ZFYVE26: variants seen among roughly 807,000 people sequenced by gnomAD.
ZFYVE26 encodes zinc finger FYVE domain-containing protein 26.
A neutral mutation model predicts 276.5 loss-of-function variants in ZFYVE26; 181 were observed. That is an observed-to-expected ratio of 0.65 (90% CI 0.58 to 0.74). The LOEUF is 0.74. Ranked by LOEUF, ZFYVE26 falls within the 30% of genes least tolerant of loss-of-function variation. The pLI is 0.00. For synonymous variants in ZFYVE26, 1,129 were observed against 1,203.1 expected (o/e 0.94, Z 1.27); for missense variants, 2,821 against 3,097.9 (o/e 0.91, Z 2.12).
intron 16 of ZFYVE26, among the ~76,000 whole-genome samples, chr14:67,786,763 A>G (rs769807211): frequency 1.3e-5 from 2 of 152,248 alleles, no homozygotes; most frequent in Non-Finnish European, 2.9e-5. Flanking sequence ...CACTCTTCAC[A>G]ATAGCCAAGA....
At chr14:67,793,462 T>C (rs2039872570) in intron 14 of ZFYVE26, 146 bp downstream of exon 14, 2 of 852,270 alleles carry the variant, frequency 2.3e-6, no homozygotes, top group Non-Finnish European at 3.8e-6. Flanking sequence ...AGACTGGGCC[T>C]GGGCACATGG....
chr14:67,736,795 G>A (rs976990274), intron 13 of ZFYVE26, among the ~76,000 whole-genome samples: 11 of 152,172 alleles, frequency 7.2e-5, no homozygotes, highest in Non-Finnish European at 1.3e-4. Flanking sequence ...GTATCTATAG[G>A]GGAGTGAGAG....
Position 67,752,535 on chromosome 14 carries a change from G to GAACAC in ZFYVE26, c.7189-14_7189-10dup. 6.2e-7 allele frequency: 1 copy of GAACAC among 1,614,084 alleles called. No individual in the cohort carries two copies. Among genetic ancestry groups the GAACAC allele is most frequent in the Non-Finnish European group, 8.5e-7 (1 of 1,180,018 alleles). On this transcript the variant is annotated splice_polypyrimidine_tract_variant and intron_variant, in intron 39 of 41. Coordinates refer to ENST00000347230, the MANE Select transcript of ZFYVE26 (RefSeq NM_015346.4). ...GCATCCAGCTGGAAGTCCTAGAACA[G>GAACAC]AACACAACATGATGGGCTTAGGAGC... is the stretch of plus-strand genomic sequence containing the variant.
chr14:67,807,107 A>G (rs1345814314), intron 5 of ZFYVE26, among the ~76,000 whole-genome samples: 1 of 151,908 alleles, frequency 6.6e-6, no homozygotes, highest in African/African-American at 2.4e-5. Flanking sequence ...ACGCCTAGCT[A>G]ATTTCTAAAT....
chr14:67,807,765 C>T lies in ZFYVE26; in HGVS notation c.519G>A (p.Glu173=), dbSNP rs565629585. The change falls in exon 5 of 42, where the codon GAG becomes GAA. Residue 173 remains glutamate (E), a synonymous_variant. Coordinates refer to ENST00000347230, the MANE Select transcript of ZFYVE26 (RefSeq NM_015346.4). ...TACCGTCATCCTCCTCAAGCAGGAG[C>T]TCCAGCAGGGCCTGTGCTGGCTGGG... ...QSPQPAQALL[E]LLLEEDDGTG... is the part of the protein sequence containing the mutation. The T allele has an allele frequency of 1.2e-6, 2 of 1,614,222 alleles. No homozygotes were observed. The highest frequency in any genetic ancestry group is 1.7e-5 in the Admixed American group (1 of 60,032).
chr14:67,805,647 A>C (rs1445220780), intron 6 of ZFYVE26, 29 bp from the exon 7 acceptor site: 1 of 1,610,600 alleles, frequency 6.2e-7, no homozygotes, highest in East Asian at 2.2e-5. Context: ...TGTTATAGGC[A>C]GCTATGTGGA....
intron 10 of ZFYVE26, chr14:67,799,440 A>G (rs7143377): frequency 0.02 from 32,925 of 1,611,756 alleles, 1,195 homozygotes; most frequent in African/African-American, 0.15. Flanking sequence ...ACGAGCAGAA[A>G]GGAGTTGGGG....
intron 4 of ZFYVE26, among the ~76,000 whole-genome samples, chr14:67,808,255 G>C (rs987148465): frequency 6.6e-6 from 1 of 152,244 alleles, no homozygotes; most frequent in African/African-American, 2.4e-5. Flanking sequence ...CTGGTGATGT[G>C]AATCAAGGTC....
intron 10 of ZFYVE26, among the ~76,000 whole-genome samples, chr14:67,800,966 C>T (rs1313226654): frequency 8.9e-6 from 1 of 112,282 alleles, no homozygotes; most frequent in African/African-American, 3.5e-5. Context: ...AATAAAAGTA[C>T]AGCTGGCCAT....
intron 23 of ZFYVE26, among the ~76,000 whole-genome samples, chr14:67,779,415 A>T (rs1331444449): frequency 6.6e-6 from 1 of 152,036 alleles, no homozygotes; most frequent in Non-Finnish European, 1.5e-5. Flanking sequence ...ATACAAAAAA[A>T]TTAGCTGGGC....
intron 25 of ZFYVE26, among the ~76,000 whole-genome samples, chr14:67,777,018 AAAGGT>A (rs2140213941): frequency 6.6e-6 from 1 of 152,354 alleles, no homozygotes; most frequent in East Asian, 1.9e-4. Flanking sequence ...GTTATACATC[AAAGGT>A]AAGAACTTAT....
intron 36 of ZFYVE26, 34 bp from the exon 37 acceptor site, chr14:67,755,284 A>T: frequency 1.2e-6 from 2 of 1,612,180 alleles, no homozygotes; most frequent in South Asian, 2.2e-5. Context: ...AGGTCAAAGT[A>T]GATCAGGGGT....
intron 35 of ZFYVE26, among the ~76,000 whole-genome samples, chr14:67,759,525 G>C (rs1210472485): frequency 6.7e-6 from 1 of 149,854 alleles, no homozygotes; most frequent in Admixed American, 6.8e-5. Flanking sequence ...TCAGGAGTCT[G>C]AGGCAGGAGA....
chr14:67,772,946 G>A (rs957659331), intron 27 of ZFYVE26, among the ~76,000 whole-genome samples: 2 of 151,846 alleles, frequency 1.3e-5, no homozygotes, highest in African/African-American at 4.8e-5. Flanking sequence ...GATGACAGAG[G>A]GAGACTCTCT....
intron 2 of ZFYVE26, among the ~76,000 whole-genome samples, chr14:67,814,790 A>G (rs2040368984): frequency 6.6e-6 from 1 of 152,198 alleles, no homozygotes; most frequent in Non-Finnish European, 1.5e-5. Context: ...CCTTTCTTTG[A>G]AGTTAGGAAT....
At chr14:67,755,912 C>T (rs772027868) in intron 36 of ZFYVE26, 36 bp downstream of exon 36, 27 of 1,613,272 alleles carry the variant, frequency 1.7e-5, no homozygotes, top group Non-Finnish European at 2.0e-5. Flanking sequence ...GGGGCACCAG[C>T]AACAGAGGTA....
At position 67,783,124 on chromosome 14, in the gene ZFYVE26, C is replaced by T. The variant is rs184263440; in HGVS notation, c.4028G>A (p.Arg1343Lys). 43 of 1,609,044 alleles carry T rather than the reference C, an allele frequency of 2.7e-5. No homozygotes were observed. In the East Asian group the frequency reaches 8.9e-4, roughly 33 times the overall value. ...CTGCTCTGCAGCCAGAGGCACCTCCCTGCGGCCACGAAGTTCCTTCCATGA... is the reference window on the plus strand; with the variant it reads ...CTGCTCTGCAGCCAGAGGCACCTCCTTGCGGCCACGAAGTTCCTTCCATGA... ...SLSWKELRGR[R>K]EVPLAAEQVA... The change falls in exon 21 of 42, where the codon AGG (arginine) becomes AAG (lysine). Residue 1343 changes from arginine to lysine, a missense_variant. Arg to Lys is a conservative substitution (Grantham distance 26, BLOSUM62 2). Coordinates refer to ENST00000347230, the MANE Select transcript of ZFYVE26 (RefSeq NM_015346.4).
chr14:67,789,336 C>T lies in ZFYVE26; in HGVS notation c.3018G>A (p.Arg1006=), dbSNP rs2039746889. 1.9e-6 allele frequency: 3 copies of T among 1,614,016 alleles called. No homozygotes were observed. The African/African-American group carries it at 4.0e-5, about 22-fold the overall frequency. ...ATACAGCTAACACAGCACACTCACCCCGCCTTTCAAGGCTACTATTCAAAC... is the reference window on the plus strand; with the variant it reads ...ATACAGCTAACACAGCACACTCACCTCGCCTTTCAAGGCTACTATTCAAAC... ...ERRLNSSLER[R]GRRIDHVLLN... Residue 1006 remains arginine (R), a splice_region_variant and synonymous_variant, in exon 16 of 42, where the codon CGG becomes CGA. Transcript: ENST00000347230.
At position 67,783,270 on chromosome 14, in the gene ZFYVE26, G is replaced by A. The variant is rs2039555535; in HGVS notation, c.3882C>T (p.Asp1294=). 2 of 1,613,774 alleles carry A rather than the reference G, an allele frequency of 1.2e-6. No homozygotes were observed. Among genetic ancestry groups the A allele is most frequent in the South Asian group, 1.1e-5 (1 of 91,082 alleles). The part of the protein sequence containing the change: ...LERKPYSSPR[D]SSLPALTSSA... Reference sequence around the variant, plus strand: ...AGGAGGTGAGGGCTGGGAGTGATGAGTCCCTTGGGGAGGAGTAGGGCTTTC... The same window carrying A: ...AGGAGGTGAGGGCTGGGAGTGATGAATCCCTTGGGGAGGAGTAGGGCTTTC... The change falls in exon 21 of 42, where the codon GAC becomes GAT. Residue 1294 remains aspartate, a synonymous_variant. Coordinates refer to ENST00000347230, the MANE Select transcript of ZFYVE26 (RefSeq NM_015346.4).
Sources: gnomAD v4.1 joint callset for allele counts (sites outside exome capture counted in the v4.1 genomes callset) on GRCh38, gnomAD v4.1.1 for gene constraint, MANE v1.5 for transcripts, NCBI Gene and HGNC (gene_info 2026-07-23, HGNC 2026-07-21) for gene names.